Variants in LEPR observed in about 807,000 individuals in gnomAD.
LEPR encodes leptin receptor.
LEPR carries 56 observed loss-of-function variants against 114.7 expected under a neutral mutation model. The ratio of observed to expected loss-of-function variants is 0.49; its 90% CI spans 0.39 to 0.61. LEPR has a LOEUF of 0.61. LEPR is among the 20% of genes least tolerant of loss of function. The pLI is 0.00. For missense variants in LEPR, 1,202 were observed against 1,352.9 expected (o/e 0.89, Z 1.75); for synonymous variants, 443 against 461.4 (o/e 0.96, Z 0.51).
At chr1:65,605,332 A>T in intron 11 of LEPR, 95 bp downstream of exon 11, 1 of 1,505,224 alleles carries the variant, frequency 6.6e-7, no homozygotes, top group Non-Finnish European at 9.2e-7. Context: ...TTCTGATCAC[A>T]TTAGATTTTG....
At chr1:65,497,872 A>G (rs1215160751) in intron 2 of LEPR, among the ~76,000 whole-genome samples, 6 of 152,180 alleles carry the variant, frequency 3.9e-5, no homozygotes, top group African/African-American at 9.6e-5. Context: ...ATTTAAAAAA[A>G]ATTCAAGTTA....
intron 2 of LEPR, among the ~76,000 whole-genome samples, chr1:65,443,676 T>G (rs896153571): frequency 6.6e-6 from 1 of 152,166 alleles, no homozygotes; most frequent in Admixed American, 6.5e-5. Flanking sequence ...TTGGAATCCT[T>G]TCTTCATATA....
At position 65,487,715 on chromosome 1, in the gene LEPR, T is replaced by A. The variant is rs539871998; in HGVS notation, c.-21+62337T>A. Among the ~76,000 whole-genome samples the A allele has an allele frequency of 5.9e-3, 894 of 151,046 alleles. 5 individuals carry two copies. Among genetic ancestry groups the A allele is most frequent in the African/African-American group, 0.01 (426 of 40,792 alleles). On this transcript the variant is annotated intron_variant, in intron 2 of 19. Transcript: ENST00000349533. ...GGCTTTAAATTAAAAAATTTTTTTT[T>A]AAAATTATCTTAGGTACATAATAGG... is the stretch of plus-strand genomic sequence containing the variant.
chr1:65,453,967 T>C (rs1160329853), intron 2 of LEPR, among the ~76,000 whole-genome samples: 1 of 151,718 alleles, frequency 6.6e-6, no homozygotes, highest in Non-Finnish European at 1.5e-5. Flanking sequence ...TGGGTGCTCC[T>C]GTATTGGGTG....
chr1:65,570,605 C>T lies in LEPR; in HGVS notation c.173C>T (p.Ser58Leu), dbSNP rs1379819290. The T allele has an allele frequency of 6.2e-7, 1 of 1,613,968 alleles. No individual in the cohort carries two copies. The highest frequency in any genetic ancestry group is 8.5e-7 in the Non-Finnish European group (1 of 1,179,930). ...LLPAGLSKNTSNSNGHYETAV... is the reference protein window; with the variant it reads ...LLPAGLSKNTLNSNGHYETAV... Reference sequence around the variant, plus strand: ...CCTGCTGGACTCTCAAAGAATACTTCAAATTCGAATGGACATTATGAGACA... The same window carrying T: ...CCTGCTGGACTCTCAAAGAATACTTTAAATTCGAATGGACATTATGAGACA... Residue 58 changes from serine to leucine, a missense_variant, in exon 4 of 20, where the codon TCA becomes TTA. Physicochemically the swap from Ser to Leu is moderately radical, Grantham distance 145. Transcript: ENST00000349533.
At chr1:65,548,842 C>T (rs1472622437) in intron 2 of LEPR, among the ~76,000 whole-genome samples, 1 of 152,116 alleles carries the variant, frequency 6.6e-6, no homozygotes, top group Non-Finnish European at 1.5e-5. Flanking sequence ...TGAATTTGGT[C>T]CTGTCATTAT....
rs934292467 is a variant in LEPR at position 65,639,741 on chromosome 1, C to A, written c.*2726C>A. The A allele has an allele frequency of 6.6e-6, 1 of 152,124 alleles. No homozygotes were observed. Among genetic ancestry groups the A allele is most frequent in the Non-Finnish European group, 1.5e-5 (1 of 68,020 alleles). The allele number at this position is 152,124 out of a possible 1,614,324, so 9.4% of individuals were successfully genotyped here. A position where few individuals can be genotyped will look rare whatever the true frequency, so the allele number is the denominator to read the frequency against. On this transcript the variant is annotated 3_prime_UTR_variant, in exon 20 of 20. Transcript: ENST00000349533. ...TAAATCTGACCTTCATTGAAAGCAA[C>A]TCAGAAATTAATAATTTGTGCTGTG...
At chr1:65,627,529 C>T (rs1304242971) in intron 19 of LEPR, among the ~76,000 whole-genome samples, 1 of 152,126 alleles carries the variant, frequency 6.6e-6, no homozygotes, top group East Asian at 1.9e-4. Flanking sequence ...AATAGCAACT[C>T]TTTCGGTAAA....
intron 14 of LEPR, 79 bp downstream of exon 14, chr1:65,610,375 A>T (rs538505283): frequency 7.7e-4 from 922 of 1,200,744 alleles, no homozygotes; most frequent in Non-Finnish European, 8.9e-4. Context: ...TAATCCTGTT[A>T]TTAATCTTCG....
chr1:65,482,863 C>T (rs1647285788), intron 2 of LEPR, among the ~76,000 whole-genome samples: 1 of 151,862 alleles, frequency 6.6e-6, no homozygotes, highest in African/African-American at 2.4e-5. Flanking sequence ...TGGCACACAC[C>T]TGTAATCCCA....
At chr1:65,596,339 G>C in intron 6 of LEPR, 109 bp from the exon 7 acceptor site, 2 of 1,359,308 alleles carry the variant, frequency 1.5e-6, no homozygotes, top group Non-Finnish European at 2.1e-6. Flanking sequence ...CACCTTTTAA[G>C]TACTTGAAAG....
intron 2 of LEPR, among the ~76,000 whole-genome samples, chr1:65,426,163 C>T (rs1404516309): frequency 1.3e-5 from 2 of 152,094 alleles, no homozygotes; most frequent in Non-Finnish European, 2.9e-5. Flanking sequence ...AGAAAATCAG[C>T]AAGCAGGCCA....
intron 2 of LEPR, among the ~76,000 whole-genome samples, chr1:65,520,907 T>A (rs539588262): frequency 6.7e-4 from 102 of 152,356 alleles, no homozygotes; most frequent in African/African-American, 2.4e-3. Context: ...AGAACGCCTT[T>A]AAGTGGTTTT....
chr1:65,447,239 C>G (rs181532728), intron 2 of LEPR, among the ~76,000 whole-genome samples: 20 of 152,050 alleles, frequency 1.3e-4, no homozygotes, highest in Non-Finnish European at 2.4e-4. Flanking sequence ...AGATTTAGGT[C>G]TGTAATACAT....
intron 2 of LEPR, among the ~76,000 whole-genome samples, chr1:65,548,609 T>C (rs963447339): frequency 1.1e-4 from 17 of 152,228 alleles, no homozygotes; most frequent in Admixed American, 6.5e-5. Flanking sequence ...AAGTCTGTTT[T>C]ATCAGAGACT....
chr1:65,453,470 G>C lies in LEPR; in HGVS notation c.-21+28092G>C, dbSNP rs528695199. ...CTTTGAATGCATCCCAGAGATTCTG[G>C]TATGTTGTGTCTTTGTTCTCGTTGG... On this transcript the variant is annotated intron_variant, in intron 2 of 19. Transcript: ENST00000349533. Among the ~76,000 whole-genome samples, 9 of 151,992 alleles carry C rather than the reference G, an allele frequency of 5.9e-5. No homozygotes were observed. In the South Asian group the frequency reaches 1.9e-3, roughly 32 times the overall value.
chr1:65,466,719 C>T (rs1368941542), intron 2 of LEPR, among the ~76,000 whole-genome samples: 1 of 152,102 alleles, frequency 6.6e-6, no homozygotes, highest in African/African-American at 2.4e-5. Context: ...AGGCTTTGTT[C>T]ATTTCTTTTT....
chr1:65,433,983 T>C, intron 2 of LEPR: 1 of 985,388 alleles, frequency 1.0e-6, no homozygotes, highest in South Asian at 4.7e-5. Flanking sequence ...TAGCTTTTCT[T>C]TCTAAGATGG....
At chr1:65,442,575 TTAAA>T (rs1276719073) in intron 2 of LEPR, among the ~76,000 whole-genome samples, 1 of 152,232 alleles carries the variant, frequency 6.6e-6, no homozygotes, top group Non-Finnish European at 1.5e-5. Context: ...ATAAACCTCT[TTAAA>T]TATTTTACAG....
Sources: gnomAD v4.1 joint callset for allele counts (sites outside exome capture counted in the v4.1 genomes callset) on GRCh38, gnomAD v4.1.1 for gene constraint, MANE v1.5 for transcripts, NCBI Gene and HGNC (gene_info 2026-07-23, HGNC 2026-07-21) for gene names.